The following MORF4L1 variants were observed in gnomAD, a reference collection of about 807,000 sequenced individuals.
MORF4L1 encodes mortality factor 4 like 1, also known as mortality factor 4-like protein 1.
Under a neutral mutation model 52.9 loss-of-function variants are expected in MORF4L1, and 4 were observed. The observed-to-expected ratio is 0.08, with a 90% CI of 0.04 to 0.17. The LOEUF (loss-of-function observed/expected upper bound fraction) is 0.17. Ranked by LOEUF, MORF4L1 falls within the 10% of genes least tolerant of loss-of-function variation. The pLI is 1.00. For missense variants in MORF4L1, 214 were observed against 390.4 expected, an observed-to-expected ratio of 0.55 and a Z score of 3.81; for synonymous variants, 123 against 134.8, an observed-to-expected ratio of 0.91 and a Z score of 0.61.
intron 4 of MORF4L1, 39 bp downstream of exon 4, chr15:78,886,266 C>T (rs373063933): frequency 1.4e-5 from 21 of 1,496,052 alleles, no homozygotes; most frequent in Non-Finnish European, 2.0e-5. Flanking sequence ...AGGAGAAATG[C>T]CTGTAGATTA....
chr15:78,888,784 T>A (rs1045276138), intron 5 of MORF4L1, among the ~76,000 whole-genome samples: 2 of 148,520 alleles, frequency 1.3e-5, no homozygotes, highest in Non-Finnish European at 3.0e-5. Context: ...TGTTTGAAGC[T>A]TTTTATTTTT....
At chr15:78,877,422 C>T (rs533093398) in intron 1 of MORF4L1, among the ~76,000 whole-genome samples, 2 of 152,264 alleles carry the variant, frequency 1.3e-5, no homozygotes, top group East Asian at 3.9e-4. Context: ...GCCCCGCCTG[C>T]TCTTTTAATT....
chr15:78,877,424 C>A (rs1000606492), intron 1 of MORF4L1, among the ~76,000 whole-genome samples: 1 of 152,144 alleles, frequency 6.6e-6, no homozygotes, highest in East Asian at 1.9e-4. Flanking sequence ...CCCGCCTGCT[C>A]TTTTAATTTT....
intron 10 of MORF4L1, chr15:78,894,541 G>T (rs1245742875): frequency 3.1e-5 from 12 of 390,620 alleles, no homozygotes; most frequent in Non-Finnish European, 5.5e-5. Flanking sequence ...CCAAGTAGCT[G>T]GGATCACAGG....
chr15:78,879,542 T>C (rs2141460699), intron 2 of MORF4L1, among the ~76,000 whole-genome samples: 2 of 152,178 alleles, frequency 1.3e-5, no homozygotes, highest in East Asian at 1.9e-4. Context: ...AAAAAAGAAA[T>C]CCTAAAATGA....
At chr15:78,881,764 CT>C (rs2056607861) in intron 3 of MORF4L1, among the ~76,000 whole-genome samples, 1 of 152,214 alleles carries the variant, frequency 6.6e-6, no homozygotes, top group African/African-American at 2.4e-5. Flanking sequence ...AAAGATAGCA[CT>C]GCCATTGCTA....
At chr15:78,890,137 T>C (rs868675449) in intron 5 of MORF4L1, among the ~76,000 whole-genome samples, 6 of 152,022 alleles carry the variant, frequency 3.9e-5, no homozygotes, top group Admixed American at 6.6e-5. Context: ...GGAGAATCGC[T>C]TGAACCCGGG....
chr15:78,873,147 C>T (rs990931371), intron 1 of MORF4L1, 90 bp downstream of exon 1: 12 of 1,541,216 alleles, frequency 7.8e-6, no homozygotes, highest in African/African-American at 1.4e-5. Flanking sequence ...CCGGGGGCGG[C>T]GCGGGCTGCG....
chr15:78,877,027 G>T lies in MORF4L1; in HGVS notation c.41-1186G>T, dbSNP rs146832802. ...TGATCTCTGCTCACTGCGACCTCCA[G>T]CTCCTGGGTTCAAGCGATTCTCATG... is the stretch of plus-strand genomic sequence containing the variant. On this transcript the variant is annotated intron_variant, in intron 1 of 11. Transcript: ENST00000426013. 5.6e-4 allele frequency among the ~76,000 whole-genome samples: 85 copies of T among 151,388 alleles called. 1 individual carries two copies. Among genetic ancestry groups the T allele is most frequent in the African/African-American group, 2.0e-3 (82 of 41,216 alleles).
chr15:78,878,282 A>T (rs751269874), intron 2 of MORF4L1, 23 bp downstream of exon 2: 1 of 1,607,840 alleles, frequency 6.2e-7, no homozygotes. Context: ...TTTTCTTTTG[A>T]GAAGTTGGCC....
chr15:78,873,187 G>C (rs968625046), intron 1 of MORF4L1, 130 bp downstream of exon 1: 7 of 1,519,906 alleles, frequency 4.6e-6, no homozygotes, highest in Non-Finnish European at 1.8e-6. Flanking sequence ...AGTGCTTTGT[G>C]CGGGGAAAGC....
intron 10 of MORF4L1, 85 bp downstream of exon 10, chr15:78,894,315 A>G: frequency 9.5e-7 from 1 of 1,057,174 alleles, no homozygotes; most frequent in Non-Finnish European, 1.3e-6. Flanking sequence ...TTAACTTTCC[A>G]AAACATGACT....
At chr15:78,874,569 TTTTCTTTTTCTTTC>T (rs1470565322) in intron 1 of MORF4L1, among the ~76,000 whole-genome samples, 1 of 140,314 alleles carries the variant, frequency 7.1e-6, no homozygotes, top group East Asian at 2.2e-4. Flanking sequence ...TTGTTTTTTC[TTTTCTTTTTCTTTC>T]TTTTTTTTTT....
chr15:78,891,187 A>G (rs780915422), intron 6 of MORF4L1, 173 bp downstream of exon 6: 2 of 824,296 alleles, frequency 2.4e-6, no homozygotes, highest in Non-Finnish European at 3.8e-6. Flanking sequence ...TCTTTTTGCC[A>G]AGGAGAAACT....
chr15:78,884,590 G>T (rs1048269795), intron 3 of MORF4L1, among the ~76,000 whole-genome samples: 4 of 139,144 alleles, frequency 2.9e-5, no homozygotes, highest in Non-Finnish European at 6.0e-5. Context: ...GGTGAGCCAA[G>T]ATCACGCCAT....
intron 1 of MORF4L1, among the ~76,000 whole-genome samples, chr15:78,874,579 C>CTTT (rs2056443964): frequency 1.0e-5 from 1 of 97,698 alleles, no homozygotes; most frequent in African/African-American, 4.2e-5. Context: ...TTTTCTTTTT[C>CTTT]TTTCTTTTTT....
chr15:78,887,475 C>T (rs1182127005), intron 5 of MORF4L1, 126 bp downstream of exon 5: 1 of 762,576 alleles, frequency 1.3e-6, no homozygotes, highest in African/African-American at 1.8e-5. Flanking sequence ...AATCCCATTC[C>T]TCAGGTATCA....
At chr15:78,889,739 T>C (rs1316378045) in intron 5 of MORF4L1, among the ~76,000 whole-genome samples, 1 of 152,136 alleles carries the variant, frequency 6.6e-6, no homozygotes, top group Non-Finnish European at 1.5e-5. Context: ...TATCCAAACA[T>C]AAGTTAATTT....
In MORF4L1 at chr15:78,885,011, A is replaced by G. The variant is rs774869523; in HGVS notation, c.156-1130A>G. 3.1e-6 allele frequency: 5 copies of G among 1,614,162 alleles called. 1 individual carries two copies. In the South Asian group the frequency reaches 5.5e-5, roughly 18 times the overall value. Reference sequence around the variant, plus strand: ...CGCTCTGAAAAATCTTTGAAGACACATGAGGATATTGTAGCCCTTTTTCCT... The same window carrying G: ...CGCTCTGAAAAATCTTTGAAGACACGTGAGGATATTGTAGCCCTTTTTCCT... On this transcript the variant is annotated intron_variant, in intron 3 of 11. Transcript: ENST00000426013.
Sources: allele counts gnomAD v4.1 joint callset (sites outside exome capture counted in the v4.1 genomes callset), GRCh38; gene constraint gnomAD v4.1.1; transcripts MANE v1.5; gene names NCBI Gene and HGNC (gene_info 2026-07-23, HGNC 2026-07-21).